Variants in PRKN observed in about 807,000 individuals in gnomAD.
PRKN encodes E3 ubiquitin-protein ligase parkin.
PRKN carries 56 observed loss-of-function variants against 59.5 expected under a neutral mutation model. The ratio of observed to expected loss-of-function variants is 0.94; its 90% CI spans 0.76 to 1.18. PRKN has a LOEUF of 1.18. Ranked by LOEUF, PRKN falls within the 50% of genes most tolerant of loss-of-function variation. The pLI is 0.00. For missense variants in PRKN, 657 were observed against 596.4 expected (o/e 1.10, Z -1.06); for synonymous variants, 250 against 222.1 (o/e 1.13, Z -1.12).
chr6:162,173,704 C>G (rs1016540950), intron 4 of PRKN, among the ~76,000 whole-genome samples: 2 of 152,154 alleles, frequency 1.3e-5, no homozygotes, highest in African/African-American at 2.4e-5. Context: ...AAGGAAGGAA[C>G]TGGGTCATAG....
At chr6:161,628,780 C>T (rs973279774) in intron 7 of PRKN, among the ~76,000 whole-genome samples, 45 of 152,128 alleles carry the variant, frequency 3.0e-4, no homozygotes, top group African/African-American at 8.5e-4. Flanking sequence ...GACAGAATCG[C>T]GCAGGGCTAC....
At chr6:161,654,511 C>G (rs986435219) in intron 7 of PRKN, among the ~76,000 whole-genome samples, 1 of 152,224 alleles carries the variant, frequency 6.6e-6, no homozygotes, top group African/African-American at 2.4e-5. Flanking sequence ...GGGCCAGGGG[C>G]TTGGACCCAG....
intron 7 of PRKN, among the ~76,000 whole-genome samples, chr6:161,637,029 C>T (rs914067089): frequency 2.0e-5 from 3 of 152,224 alleles, no homozygotes; most frequent in African/African-American, 7.2e-5. Flanking sequence ...CACTGCAGCT[C>T]TGAGAGGCTG....
intron 2 of PRKN, among the ~76,000 whole-genome samples, chr6:162,433,682 T>A (rs1225058955): frequency 6.8e-6 from 1 of 146,064 alleles, no homozygotes; most frequent in Non-Finnish European, 1.5e-5. Flanking sequence ...ACTAGAACTA[T>A]CTTAAACAAA....
At chr6:161,596,769 G>A (rs919844669) in intron 7 of PRKN, among the ~76,000 whole-genome samples, 3 of 152,136 alleles carry the variant, frequency 2.0e-5, no homozygotes, top group Non-Finnish European at 4.4e-5. Flanking sequence ...ATGGTTGTAG[G>A]AGAATGAAAG....
At chr6:162,672,921 A>G (rs961714079) in intron 1 of PRKN, among the ~76,000 whole-genome samples, 1 of 152,240 alleles carries the variant, frequency 6.6e-6, no homozygotes, top group Non-Finnish European at 1.5e-5. Flanking sequence ...AACTACACTT[A>G]TAAGAATATA....
chr6:162,704,767 G>T (rs951338802), intron 1 of PRKN, among the ~76,000 whole-genome samples: 1 of 152,216 alleles, frequency 6.6e-6, no homozygotes, highest in African/African-American at 2.4e-5. Context: ...ATTGTAGCTA[G>T]ATGGGTCCGG....
At chr6:162,430,601 C>A (rs1217803666) in intron 2 of PRKN, among the ~76,000 whole-genome samples, 3 of 137,052 alleles carry the variant, frequency 2.2e-5, no homozygotes, top group African/African-American at 8.4e-5. Context: ...ATATATATAT[C>A]TTGTAAAAAC....
rs573662737 is a variant in PRKN at position 161,569,657 on chromosome 6, T to C, written c.872-241A>G. On this transcript the variant is annotated intron_variant, in intron 7 of 11. Transcript: ENST00000366898. ...CAGTTGCATGTGACCCTGGCCAGGC[T>C]TTCTCTCCCCTCTGATTATGATCTG... 1.4e-4 allele frequency among the ~76,000 whole-genome samples: 22 copies of C among 152,312 alleles called. No individual in the cohort carries two copies. The South Asian group carries it at 4.3e-3, about 30-fold the overall frequency.
chr6:162,228,814 G>A lies in PRKN; in HGVS notation c.413-27562C>T, dbSNP rs1449247657. 2.0e-5 allele frequency among the ~76,000 whole-genome samples: 3 copies of A among 152,170 alleles called. No homozygotes were observed. In the South Asian group the frequency reaches 6.2e-4, roughly 32 times the overall value. ...TGTCTTTAAATAGAGCTCCAATCTT[G>A]CACTGTTCTGATTTTTCAAAATCCT... On this transcript the variant is annotated intron_variant, in intron 3 of 11. Coordinates refer to ENST00000366898, the MANE Select transcript of PRKN (RefSeq NM_004562.3).
chr6:161,792,955 T>C (rs1190839364), intron 6 of PRKN, among the ~76,000 whole-genome samples: 1 of 152,214 alleles, frequency 6.6e-6, no homozygotes, highest in Non-Finnish European at 1.5e-5. Flanking sequence ...TAATTTGATC[T>C]ATATTTGGCA....
intron 5 of PRKN, among the ~76,000 whole-genome samples, chr6:162,023,527 G>T (rs1247625208): frequency 6.6e-6 from 1 of 152,106 alleles, no homozygotes; most frequent in Non-Finnish European, 1.5e-5. Context: ...TCGCCTGCCG[G>T]TGTTTGTCGG....
Position 161,527,267 on chromosome 6 carries a change from A to G in PRKN, c.1083+21587T>C, listed in dbSNP as rs1260215281. On this transcript the variant is annotated intron_variant, in intron 9 of 11. Transcript: ENST00000366898. The surrounding 1 kb of genome is among the most constrained non-coding windows in gnomAD (Gnocchi z 4.6). ...AGCTCAAAATATGCCAAAGAAGTAC[A>G]TTCTGGGGTGGCATGTTCTGGTCTC... Among the ~76,000 whole-genome samples the G allele has an allele frequency of 1.3e-5, 2 of 152,230 alleles. No homozygotes were observed. The highest frequency in any genetic ancestry group is 1.3e-4 in the Admixed American group (2 of 15,282).
intron 5 of PRKN, among the ~76,000 whole-genome samples, chr6:161,992,800 G>T (rs1359193250): frequency 6.6e-6 from 1 of 152,100 alleles, no homozygotes; most frequent in Non-Finnish European, 1.5e-5. Context: ...GATAGCAAGA[G>T]AAACTTTGGG....
chr6:162,437,903 T>C (rs950594098), intron 2 of PRKN, among the ~76,000 whole-genome samples: 3 of 152,238 alleles, frequency 2.0e-5, no homozygotes, highest in African/African-American at 7.2e-5. Flanking sequence ...TATACAGATT[T>C]GTGTGTGTAC....
At chr6:162,482,732 C>G (rs1253328994) in intron 1 of PRKN, among the ~76,000 whole-genome samples, 1 of 152,138 alleles carries the variant, frequency 6.6e-6, no homozygotes, top group Non-Finnish European at 1.5e-5. Context: ...GAATAAATAT[C>G]TACTCCAAAA....
At chr6:162,061,599 G>A (rs1778107765) in intron 4 of PRKN, among the ~76,000 whole-genome samples, 1 of 152,138 alleles carries the variant, frequency 6.6e-6, no homozygotes, top group Admixed American at 6.5e-5. Flanking sequence ...ACTGTTCTGA[G>A]CATCCATCTT....
At chr6:162,166,047 C>CAAAAAAAAAAAAAAAAAAAAAAAAA (rs10557222) in intron 4 of PRKN, among the ~76,000 whole-genome samples, 1 of 80,240 alleles carries the variant, frequency 1.2e-5, no homozygotes, top group African/African-American at 5.1e-5. Context: ...GACTCTATCT[C>CAAAAAAAAAAAAAAAAAAAAAAAAA]AAAAAAAAAA....
At chr6:162,111,317 T>A (rs1780426226) in intron 4 of PRKN, among the ~76,000 whole-genome samples, 3 of 151,916 alleles carry the variant, frequency 2.0e-5, no homozygotes, top group African/African-American at 7.3e-5. Flanking sequence ...TACAAAAAAT[T>A]ACCCGAGTGT....
Sources: gnomAD v4.1 joint callset for allele counts (sites outside exome capture counted in the v4.1 genomes callset) on GRCh38, gnomAD v4.1.1 for gene constraint, Gnocchi (gnomAD v3.1) non-coding constraint, MANE v1.5 for transcripts, NCBI Gene and HGNC (gene_info 2026-07-23, HGNC 2026-07-21) for gene names.